Variants in ATP13A1 observed in about 807,000 individuals in gnomAD.
ATP13A1 encodes ATPase 13A1, also known as endoplasmic reticulum transmembrane helix translocase.
A neutral mutation model predicts 134.8 loss-of-function variants in ATP13A1; 55 were observed. The ratio of observed to expected loss-of-function variants is 0.41; its 90% CI spans 0.33 to 0.51. The LOEUF is 0.51. ATP13A1 is among the 20% of genes least tolerant of loss of function. ATP13A1 has a pLI of 0.29. For missense variants in ATP13A1, 1,389 were observed against 1,652.8 expected (o/e 0.84, Z 2.77); for synonymous variants, 775 against 725.1 (o/e 1.07, Z -1.10).
chr19:19,657,915 G>A (rs751086443), intron 3 of ATP13A1, among the ~76,000 whole-genome samples: 17 of 152,042 alleles, frequency 1.1e-4, no homozygotes, highest in Non-Finnish European at 1.9e-4. Flanking sequence ...TTGGGAGGCC[G>A]AGGCAGGAGG....
At chr19:19,648,837 T>A (rs916043154) in intron 19 of ATP13A1, among the ~76,000 whole-genome samples, 23 of 115,438 alleles carry the variant, frequency 2.0e-4, no homozygotes, top group African/African-American at 7.9e-4. Flanking sequence ...AAAGGCAGGG[T>A]TCGGTGGGAT....
chr19:19,658,739 G>A (rs1361539539), intron 3 of ATP13A1, among the ~76,000 whole-genome samples: 1 of 152,168 alleles, frequency 6.6e-6, no homozygotes, highest in African/African-American at 2.4e-5. Context: ...AGTACAAAAG[G>A]GCAGACATGG....
At chr19:19,657,559 T>C (rs1335923743) in intron 3 of ATP13A1, among the ~76,000 whole-genome samples, 151 bp from the exon 4 acceptor site, 1 of 152,168 alleles carries the variant, frequency 6.6e-6, no homozygotes, top group East Asian at 1.9e-4. Context: ...AGCTTCCAGA[T>C]AGGAGGATCC....
chr19:19,662,077 C>CTCCTGGCTGATGGCTG, intron 1 of ATP13A1: 3 of 1,576,188 alleles, frequency 1.9e-6, no homozygotes, highest in Non-Finnish European at 2.6e-6. Flanking sequence ...AGATCCACCT[C>CTCCTGGCTGATGGCTG]TCCTGGCTGA....
At position 19,656,613 on chromosome 19, in the gene ATP13A1, C is replaced by T; in HGVS notation, c.1083+47G>A. On this transcript the variant is annotated intron_variant, in intron 7 of 25. Coordinates refer to ENST00000357324, the MANE Select transcript of ATP13A1 (RefSeq NM_020410.3). This position sits in a 1 kb window ranked among gnomAD's most constrained non-coding sequence, Gnocchi z 4.6. ...ACCCCCTGGGCCTCCACCTCCTGGC[C>T]TGTTTCCTCCTGAACAGCTTGAGGA... is the stretch of plus-strand genomic sequence containing the variant. 1 of 1,582,112 alleles carries T rather than the reference C, an allele frequency of 6.3e-7. No homozygotes were observed. Among genetic ancestry groups the T allele is most frequent in the East Asian group, 2.3e-5 (1 of 43,516 alleles).
rs750020537 is a variant in ATP13A1 at position 19,655,465 on chromosome 19, G to A, written c.1397-12C>T. The A allele has an allele frequency of 2.5e-6, 4 of 1,613,936 alleles. No homozygotes were observed. The South Asian group carries it at 3.3e-5, about 13-fold the overall frequency. ...GGGGTCCTTGGTACCTGTGGAGACAGGGCCTGCCAACCTGGAGCCTCGGAG... is the reference window on the plus strand; with the variant it reads ...GGGGTCCTTGGTACCTGTGGAGACAAGGCCTGCCAACCTGGAGCCTCGGAG... On this transcript the variant is annotated splice_polypyrimidine_tract_variant and intron_variant, in intron 10 of 25. Coordinates refer to ENST00000357324, the MANE Select transcript of ATP13A1 (RefSeq NM_020410.3). The surrounding 1 kb of genome is among the most constrained non-coding windows in gnomAD (Gnocchi z 5.7).
At chr19:19,654,444 T>G in intron 13 of ATP13A1, 99 bp downstream of exon 13, 1 of 1,413,250 alleles carries the variant, frequency 7.1e-7, no homozygotes, top group Non-Finnish European at 9.4e-7. Context: ...GCTGTAGGCC[T>G]GCCTGTCCCC....
chr19:19,647,248 G>A lies in ATP13A1; in HGVS notation c.2986C>T (p.Leu996Phe), dbSNP rs1680951911. 1 of 1,613,922 alleles carries A rather than the reference G, an allele frequency of 6.2e-7. No individual in the cohort carries two copies. Among genetic ancestry groups the A allele is most frequent in the Non-Finnish European group, 8.5e-7 (1 of 1,179,890 alleles). The change falls in exon 22 of 26, where the codon CTC becomes TTC. Residue 996 changes from leucine to phenylalanine, a missense_variant. Around this residue, in one of 4 missense-constraint regions of ATP13A1, gnomAD observed 228 missense variants for 321.0 expected, o/e 0.71. Transcript: ENST00000357324. This position sits in a 1 kb window ranked among gnomAD's most constrained non-coding sequence, Gnocchi z 4.8. ...ACGCTCTGGCTGTAGGCCAGGATGA[G>A]GGCATTGAGCGCCAGGATCTTGAAC... ...QMFKILALNA[L>F]ILAYSQSVLY...
intron 15 of ATP13A1, chr19:19,652,934 C>T (rs2062034185): frequency 1.6e-6 from 1 of 624,746 alleles, no homozygotes; most frequent in South Asian, 2.1e-5. Context: ...GGTCTGGGTC[C>T]CCCGAATGTG....
chr19:19,648,333 A>G (rs1599427742), intron 19 of ATP13A1, among the ~76,000 whole-genome samples: 1 of 152,100 alleles, frequency 6.6e-6, no homozygotes, highest in Non-Finnish European at 1.5e-5. Flanking sequence ...AAACAAAACA[A>G]AACAACCTAA....
intron 15 of ATP13A1, 110 bp from the exon 16 acceptor site, chr19:19,652,830 G>A (rs750720991): frequency 5.0e-6 from 7 of 1,396,910 alleles, no homozygotes; most frequent in Non-Finnish European, 5.7e-6. Flanking sequence ...GGAAGGCCCT[G>A]TTCCCGTAGT....
intron 12 of ATP13A1, 142 bp from the exon 13 acceptor site, chr19:19,654,842 C>T (rs2062047137): frequency 1.9e-6 from 2 of 1,050,828 alleles, no homozygotes; most frequent in South Asian, 3.3e-5. Flanking sequence ...CTTTATGAGA[C>T]CTGCACCTGC....
Position 19,659,753 on chromosome 19 carries a change from C to T in ATP13A1, c.525G>A (p.Gln175=). ...GGGCATCGTAGGAATACTTGATCTT[C>T]TGGAATTCGAAGGACAGCACCTCAA... is the stretch of plus-strand genomic sequence containing the variant. ...DGLEVLSFEF[Q]KIKYSYDALE... The change falls in exon 3 of 26, where the codon CAG becomes CAA. Residue 175 remains glutamine, a synonymous_variant. Transcript: ENST00000357324. 1 of 1,613,944 alleles carries T rather than the reference C, an allele frequency of 6.2e-7. No individual in the cohort carries two copies. Among genetic ancestry groups the T allele is most frequent in the Non-Finnish European group, 8.5e-7 (1 of 1,179,874 alleles).
intron 1 of ATP13A1, chr19:19,662,468 A>G (rs1304538489): frequency 1.4e-6 from 1 of 723,066 alleles, no homozygotes; most frequent in Non-Finnish European, 1.7e-6. Context: ...GATATACCTC[A>G]GTGTCCATGG....
chr19:19,648,992 C>T (rs1005260746), intron 19 of ATP13A1, among the ~76,000 whole-genome samples: 6 of 150,546 alleles, frequency 4.0e-5, no homozygotes, highest in African/African-American at 9.8e-5. Context: ...CATGGTGGCA[C>T]GTGCCTGTAA....
intron 12 of ATP13A1, among the ~76,000 whole-genome samples, 151 bp from the exon 13 acceptor site, chr19:19,654,851 G>A (rs1175877682): frequency 6.6e-6 from 1 of 152,212 alleles, no homozygotes; most frequent in Non-Finnish European, 1.5e-5. Context: ...ACCTGCACCT[G>A]CTTCACAGAT....
intron 1 of ATP13A1, chr19:19,662,408 T>C (rs2062100590): frequency 1.0e-6 from 1 of 976,004 alleles, no homozygotes; most frequent in Non-Finnish European, 1.2e-6. Context: ...CTGTTCCCTT[T>C]TCCTCTTCTT....
chr19:19,659,541 T>A, intron 3 of ATP13A1, 60 bp downstream of exon 3: 1 of 1,436,658 alleles, frequency 7.0e-7, no homozygotes, highest in Non-Finnish European at 9.5e-7. Flanking sequence ...CTAGGCACCC[T>A]GAATCAGGAG....
rs753303367 is a variant in ATP13A1, at chr19:19,653,946, G to C, written c.1989+23C>G. On this transcript the variant is annotated intron_variant, in intron 14 of 25. Coordinates refer to ENST00000357324, the MANE Select transcript of ATP13A1 (RefSeq NM_020410.3). The surrounding 1 kb of genome is among the most constrained non-coding windows in gnomAD (Gnocchi z 4.2). ...GGGCTGCCCCGCGCCCCCACCCCTT[G>C]CCCCAGGCTGGGGCCAGCTCACCAT... 2 of 1,581,554 alleles carry C rather than the reference G, an allele frequency of 1.3e-6. No homozygotes were observed. The highest frequency in any genetic ancestry group is 1.8e-5 in the Admixed American group (1 of 54,542).
Sources: allele counts gnomAD v4.1 joint callset (sites outside exome capture counted in the v4.1 genomes callset), GRCh38; gene constraint gnomAD v4.1.1; regional missense constraint gnomAD v4.1.1; non-coding constraint Gnocchi (gnomAD v3.1); transcripts MANE v1.5; gene names NCBI Gene and HGNC (gene_info 2026-07-23, HGNC 2026-07-21).